SNTG1: variants seen among roughly 807,000 people sequenced by gnomAD.
The protein encoded by SNTG1 is syntrophin gamma 1.
SNTG1 carries 39 observed loss-of-function variants against 74.7 expected under a neutral mutation model. That is an observed-to-expected ratio of 0.52 (90% CI 0.40 to 0.68). The LOEUF (loss-of-function observed/expected upper bound fraction) is 0.68. Among genes scored for constraint, SNTG1 ranks in the 30% least tolerant of loss-of-function variants. SNTG1 has a pLI of 0.00. For missense variants in SNTG1, 685 were observed against 609.5 expected (o/e 1.12, Z -1.30); for synonymous variants, 254 against 217.1 (o/e 1.17, Z -1.49).
At chr8:50,519,890 A>G (rs1318191616) in intron 9 of SNTG1, among the ~76,000 whole-genome samples, 1 of 150,886 alleles carries the variant, frequency 6.6e-6, no homozygotes, top group Non-Finnish European at 1.5e-5. Flanking sequence ...AAAGAAATTT[A>G]TAGATTCAAG....
At chr8:50,383,968 C>A (rs555780203) in intron 2 of SNTG1, among the ~76,000 whole-genome samples, 2 of 152,276 alleles carry the variant, frequency 1.3e-5, no homozygotes, top group South Asian at 4.1e-4. Context: ...TAGAAACATT[C>A]TTCACTGTGG....
chr8:50,409,960 T>A (rs568073507), intron 4 of SNTG1, among the ~76,000 whole-genome samples: 30 of 152,306 alleles, frequency 2.0e-4, no homozygotes, highest in African/African-American at 7.0e-4. Context: ...CTCAGTGTAA[T>A]GGGCACCATT....
At chr8:50,340,032 A>G (rs993412424) in intron 2 of SNTG1, among the ~76,000 whole-genome samples, 2 of 152,042 alleles carry the variant, frequency 1.3e-5, no homozygotes, top group Non-Finnish European at 2.9e-5. Flanking sequence ...TAAAGGATCT[A>G]CACTGTGAAA....
intron 13 of SNTG1, among the ~76,000 whole-genome samples, chr8:50,635,617 C>G (rs929961815): frequency 2.0e-5 from 3 of 152,142 alleles, no homozygotes; most frequent in Non-Finnish European, 4.4e-5. Flanking sequence ...CCGATGTTCA[C>G]TTAAGGCCAG....
intron 1 of SNTG1, among the ~76,000 whole-genome samples, chr8:50,012,008 T>C (rs982819938): frequency 7.9e-5 from 12 of 152,176 alleles, no homozygotes; most frequent in African/African-American, 2.9e-4. Context: ...TTCCTCAAGT[T>C]TGTCTTTGGG....
chr8:50,506,403 G>GGATTGCATTGAACCTGTA (rs1397458632), intron 9 of SNTG1, among the ~76,000 whole-genome samples: 1 of 151,832 alleles, frequency 6.6e-6, no homozygotes, highest in Non-Finnish European at 1.5e-5. Context: ...ATTTTGATAG[G>GGATTGCATTGAACCTGTA]GATTGCATTG....
At chr8:50,056,305 G>A (rs888069578) in intron 1 of SNTG1, among the ~76,000 whole-genome samples, 3 of 152,128 alleles carry the variant, frequency 2.0e-5, no homozygotes, top group Non-Finnish European at 4.4e-5. Context: ...TGAGCCCAGA[G>A]GAGATTTTGG....
intron 1 of SNTG1, among the ~76,000 whole-genome samples, chr8:50,019,004 C>T (rs1328947726): frequency 2.0e-5 from 3 of 151,942 alleles, no homozygotes; most frequent in African/African-American, 4.8e-5. Context: ...AAATAATATC[C>T]TAGCAAAAAT....
chr8:50,012,821 C>A (rs1815937727), intron 1 of SNTG1, among the ~76,000 whole-genome samples: 1 of 152,074 alleles, frequency 6.6e-6, no homozygotes, highest in Admixed American at 6.6e-5. Context: ...TGAGTAATTT[C>A]ATTGGGTTTT....
intron 12 of SNTG1, among the ~76,000 whole-genome samples, chr8:50,580,264 C>T (rs767686401): frequency 6.6e-6 from 1 of 152,150 alleles, no homozygotes; most frequent in Non-Finnish European, 1.5e-5. Flanking sequence ...ATTCCTGTAC[C>T]CCTATTGTAT....
At chr8:50,196,889 G>A (rs937677593) in intron 2 of SNTG1, among the ~76,000 whole-genome samples, 2 of 152,022 alleles carry the variant, frequency 1.3e-5, no homozygotes, top group Non-Finnish European at 2.9e-5. Flanking sequence ...GGCTGAGGCA[G>A]GAAAATCACT....
At chr8:50,129,699 C>A (rs1039322827) in intron 1 of SNTG1, among the ~76,000 whole-genome samples, 2 of 152,108 alleles carry the variant, frequency 1.3e-5, no homozygotes, top group Non-Finnish European at 2.9e-5. Context: ...TAAGAACAAC[C>A]AAACATGACT....
At chr8:50,016,137 T>C (rs1816291169) in intron 1 of SNTG1, among the ~76,000 whole-genome samples, 1 of 152,062 alleles carries the variant, frequency 6.6e-6, no homozygotes, top group African/African-American at 2.4e-5. Context: ...ACAGTGACCA[T>C]GATCTTCTTT....
At chr8:50,101,445 T>C (rs1227813852) in intron 1 of SNTG1, among the ~76,000 whole-genome samples, 1 of 152,144 alleles carries the variant, frequency 6.6e-6, no homozygotes, top group Non-Finnish European at 1.5e-5. Context: ...AGCATCGTTA[T>C]TCTTTGAGTT....
At chr8:50,411,056 A>T (rs928745119) in intron 4 of SNTG1, among the ~76,000 whole-genome samples, 1 of 152,140 alleles carries the variant, frequency 6.6e-6, no homozygotes, top group Non-Finnish European at 1.5e-5. Context: ...ATTTGATTGT[A>T]TGTTTATAAA....
intron 1 of SNTG1, among the ~76,000 whole-genome samples, chr8:50,151,893 T>G (rs1298976801): frequency 6.6e-6 from 1 of 152,208 alleles, no homozygotes; most frequent in Non-Finnish European, 1.5e-5. Flanking sequence ...TCTGTTGATT[T>G]GGGGTGGAGA....
chr8:50,153,845 G>T (rs1255815638), intron 1 of SNTG1, among the ~76,000 whole-genome samples: 1 of 152,180 alleles, frequency 6.6e-6, no homozygotes, highest in Non-Finnish European at 1.5e-5. Flanking sequence ...AGGCTACTCG[G>T]GAGTCAGGGA....
Position 50,646,470 on chromosome 8 carries a change from G to A in SNTG1, c.850-10439G>A, listed in dbSNP as rs141022515. On this transcript the variant is annotated intron_variant, in intron 13 of 18. Transcript: ENST00000642720. Reference sequence around the variant, plus strand: ...CATGCTGTCCTTCTTCACTTTAGCTGAAAAAATTTACAGATAAATTTGTGG... The same window carrying A: ...CATGCTGTCCTTCTTCACTTTAGCTAAAAAAATTTACAGATAAATTTGTGG... Among the ~76,000 whole-genome samples the A allele has an allele frequency of 2.6e-3, 391 of 152,270 alleles. 3 individuals are homozygous for A. The highest frequency in any genetic ancestry group is 9.1e-3 in the African/African-American group (377 of 41,548).
intron 2 of SNTG1, among the ~76,000 whole-genome samples, chr8:50,357,805 TA>T (rs1401589744): frequency 6.6e-6 from 1 of 152,164 alleles, no homozygotes; most frequent in Non-Finnish European, 1.5e-5. Context: ...AATGATGAAA[TA>T]AGCTTCATAA....
Sources: gnomAD v4.1 joint callset for allele counts (sites outside exome capture counted in the v4.1 genomes callset) on GRCh38, gnomAD v4.1.1 for gene constraint, MANE v1.5 for transcripts, NCBI Gene and HGNC (gene_info 2026-07-23, HGNC 2026-07-21) for gene names.